RANBP2: variants seen among roughly 807,000 people sequenced by gnomAD.
The protein encoded by RANBP2 is RAN binding protein 2.
In RANBP2, 57 loss-of-function variants were observed where a neutral mutation model predicts 303.6. The ratio of observed to expected loss-of-function variants is 0.19; its 90% CI spans 0.15 to 0.23. The LOEUF (loss-of-function observed/expected upper bound fraction) is 0.23. RANBP2 is among the 10% of genes least tolerant of loss of function. The pLI, the probability that RANBP2 is intolerant of heterozygous loss-of-function variation, is 1.00. For missense variants in RANBP2, 3,138 were observed against 3,780.8 expected (o/e 0.83, Z 4.46); for synonymous variants, 1,167 against 1,301.5 (o/e 0.90, Z 2.23).
chr2:109,287,874 T>A, the RANBP2 span, among the ~76,000 whole-genome samples: 4 of 152,242 alleles, frequency 2.6e-5, no homozygotes, highest in African/African-American at 9.6e-5. Flanking sequence ...ATAGTTTTTC[T>A]TTTGCTAACT....
the RANBP2 span, among the ~76,000 whole-genome samples, chr2:109,494,268 G>C: frequency 6.6e-6 from 1 of 150,916 alleles, no homozygotes; most frequent in East Asian, 2.0e-4. Flanking sequence ...CATCTAATCA[G>C]GGGTCATTGT....
the RANBP2 span, among the ~76,000 whole-genome samples, chr2:109,554,869 G>A: frequency 6.6e-6 from 1 of 152,018 alleles, no homozygotes; most frequent in African/African-American, 2.4e-5. Context: ...AGAGTCACTG[G>A]AATCACTGTA....
the RANBP2 span, among the ~76,000 whole-genome samples, chr2:109,428,678 C>T: frequency 6.6e-6 from 1 of 152,210 alleles, no homozygotes; most frequent in Admixed American, 6.5e-5. Flanking sequence ...TCCTAAAATC[C>T]CATGATTGCC....
the RANBP2 span, among the ~76,000 whole-genome samples, chr2:109,305,717 T>G: frequency 1.3e-5 from 2 of 152,226 alleles, no homozygotes; most frequent in East Asian, 3.9e-4. Flanking sequence ...GGTGTGTGGC[T>G]ACAATGCGGG....
chr2:109,590,050 GTGTGTGTATATA>G, the RANBP2 span, among the ~76,000 whole-genome samples: 316 of 144,022 alleles, frequency 2.2e-3, no homozygotes, highest in Non-Finnish European at 3.7e-3. Context: ...ACATATATAT[GTGTGTGTATATA>G]TATACACACA....
the RANBP2 span, chr2:108,906,520 C>A: frequency 1.2e-6 from 1 of 827,012 alleles, no homozygotes; most frequent in Middle Eastern, 2.9e-4. Context: ...CCCTGACACA[C>A]AGGGAGGAGG....
intron 1 of RANBP2, among the ~76,000 whole-genome samples, chr2:108,721,272 A>G (rs1694223841): frequency 6.6e-6 from 1 of 152,188 alleles, no homozygotes. Context: ...TCTCTTGGGA[A>G]CAGTGGAGTA....
chr2:109,585,186 T>A, the RANBP2 span: 1 of 1,610,834 alleles, frequency 6.2e-7, no homozygotes, highest in Non-Finnish European at 8.5e-7. Flanking sequence ...CAATTTCAAT[T>A]GAACATTACT....
At chr2:109,195,587 GC>G in the RANBP2 span, among the ~76,000 whole-genome samples, 1 of 152,198 alleles carries the variant, frequency 6.6e-6, no homozygotes, top group African/African-American at 2.4e-5. Flanking sequence ...GGCTTCCCTT[GC>G]TGGAGCTATT....
rs373595045 is a variant in RANBP2, at chr2:108,782,096, C to A, written c.8761-32C>A. 1.6e-3 allele frequency: 2,580 copies of A among 1,606,092 alleles called. 5 individuals are homozygous for A. The highest frequency in any genetic ancestry group is 1.9e-3 in the Non-Finnish European group (2,292 of 1,177,058). On this transcript the variant is annotated intron_variant, in intron 26 of 28. Transcript: ENST00000283195. The stretch of plus-strand genomic sequence containing the variant: ...TTGTCATGGAATTTATTATAAGCAG[C>A]AGCTTATAGAGAATTTCATCTCCTA...
the RANBP2 span, among the ~76,000 whole-genome samples, chr2:109,087,504 G>T: frequency 6.6e-6 from 1 of 152,084 alleles, no homozygotes; most frequent in Admixed American, 6.6e-5. Context: ...CATAACCAAG[G>T]GGCTTTGGAG....
At chr2:109,150,580 G>A in the RANBP2 span, among the ~76,000 whole-genome samples, 3 of 152,134 alleles carry the variant, frequency 2.0e-5, no homozygotes, top group East Asian at 1.9e-4. Context: ...TTGTGCAGAC[G>A]GGGAAAGTGA....
At chr2:109,687,743 T>TG in the RANBP2 span, among the ~76,000 whole-genome samples, 23 of 104,820 alleles carry the variant, frequency 2.2e-4, no homozygotes, top group South Asian at 6.7e-3. Context: ...GTCAGGGGAT[T>TG]TTTTTTTTTT....
the RANBP2 span, chr2:109,615,133 A>C: frequency 5.5e-5 from 86 of 1,549,600 alleles, no homozygotes; most frequent in Non-Finnish European, 7.0e-5. Context: ...AGCTCCCCGC[A>C]GCTGAAGAGG....
chr2:108,810,551 G>A, the RANBP2 span, among the ~76,000 whole-genome samples: 1 of 152,134 alleles, frequency 6.6e-6, no homozygotes, highest in African/African-American at 2.4e-5. Context: ...GTGTGTTGTT[G>A]AATTTGGTTT....
the RANBP2 span, among the ~76,000 whole-genome samples, chr2:109,074,893 C>A: frequency 8.2e-5 from 12 of 146,648 alleles, no homozygotes; most frequent in Non-Finnish European, 3.0e-5. Flanking sequence ...TGGTGGTGGG[C>A]ACCTGTAGCC....
the RANBP2 span, among the ~76,000 whole-genome samples, chr2:109,355,494 A>T: frequency 6.6e-6 from 1 of 152,260 alleles, no homozygotes; most frequent in African/African-American, 2.4e-5. Flanking sequence ...CTGTCATGCT[A>T]CAATGGAGGG....
the RANBP2 span, among the ~76,000 whole-genome samples, chr2:109,124,024 T>TTAC: frequency 1.4e-5 from 2 of 146,142 alleles, no homozygotes; most frequent in African/African-American, 5.1e-5. Context: ...TTATTTATTA[T>TTAC]TTTTTTGACA....
the RANBP2 span, among the ~76,000 whole-genome samples, chr2:109,583,918 T>C: frequency 6.6e-6 from 1 of 152,136 alleles, no homozygotes; most frequent in Non-Finnish European, 1.5e-5. Context: ...TTCTCACTTA[T>C]AAGTAAGTGG....
Sources: allele counts gnomAD v4.1 joint callset (sites outside exome capture counted in the v4.1 genomes callset), GRCh38; gene constraint gnomAD v4.1.1; transcripts MANE v1.5; gene names NCBI Gene and HGNC (gene_info 2026-07-23, HGNC 2026-07-21).